Variants in PTPRD observed in about 807,000 individuals in gnomAD.
PTPRD encodes protein tyrosine phosphatase receptor type D.
Under a neutral mutation model 214.5 loss-of-function variants are expected in PTPRD, and 34 were observed. That is an observed-to-expected ratio of 0.16 (90% CI 0.12 to 0.21). The LOEUF is 0.21. Ranked by LOEUF, PTPRD falls within the 10% of genes least tolerant of loss-of-function variation. The probability of loss-of-function intolerance (pLI) is 1.00; values close to 1 mark genes in which losing one functional copy is unlikely to be tolerated. For synonymous variants in PTPRD, 1,128 were observed against 845.7 expected, an observed-to-expected ratio of 1.33 and a Z score of -5.79; for missense variants, 2,545 against 2,398.7, an observed-to-expected ratio of 1.06 and a Z score of -1.27.
intron 11 of PTPRD, among the ~76,000 whole-genome samples, chr9:8,921,398 G>A (rs909639854): frequency 2.6e-5 from 4 of 152,138 alleles, no homozygotes; most frequent in African/African-American, 9.7e-5. Flanking sequence ...CACTTGGGAG[G>A]CTAAAGGCTA....
intron 3 of PTPRD, among the ~76,000 whole-genome samples, chr9:10,231,022 A>G (rs960232073): frequency 2.0e-5 from 3 of 152,104 alleles, no homozygotes; most frequent in African/African-American, 7.2e-5. Flanking sequence ...CTAGTCATCT[A>G]CCTGACAAAA....
chr9:10,446,299 G>A (rs1036852380), intron 2 of PTPRD, among the ~76,000 whole-genome samples: 3 of 151,440 alleles, frequency 2.0e-5, no homozygotes, highest in African/African-American at 7.3e-5. Context: ...GAAGAGAGTA[G>A]GAAAGGTCTG....
chr9:8,840,559 T>A (rs11793723), intron 11 of PTPRD, among the ~76,000 whole-genome samples: 3,091 of 152,304 alleles, frequency 0.02, 50 homozygotes, highest in Non-Finnish European at 0.032. Context: ...AATGACCCCA[T>A]TGTTAATGCA....
intron 5 of PTPRD, among the ~76,000 whole-genome samples, chr9:9,782,882 T>G (rs1448724659): frequency 1.3e-5 from 2 of 152,212 alleles, no homozygotes; most frequent in African/African-American, 2.4e-5. Flanking sequence ...CCTTGGAATT[T>G]GTCTAATGCT....
In PTPRD at chr9:8,317,876, A is replaced by C; in HGVS notation, c.5737T>G (p.Ter1913GluextTer21). The change falls in exon 46 of 46, where the codon TAG becomes GAG. Residue 1913 changes from the stop codon to glutamate, a stop_lost. Coordinates refer to ENST00000381196, the MANE Select transcript of PTPRD (RefSeq NM_002839.4). ...AATCCAGAATGGGTCAGGGGTTTCT[A>C]CGTTGCATAGTGGTCAAAGCTGCCC... ...YLGSFDHYAT* is the reference protein window; with the variant it reads ...YLGSFDHYATE The C allele has an allele frequency of 1.2e-6, 2 of 1,612,156 alleles. No homozygotes were observed. The highest frequency in any genetic ancestry group is 1.7e-6 in the Non-Finnish European group (2 of 1,178,628).
chr9:9,169,011 C>A (rs931945060), intron 10 of PTPRD, among the ~76,000 whole-genome samples: 7 of 151,558 alleles, frequency 4.6e-5, no homozygotes, highest in Non-Finnish European at 8.8e-5. Flanking sequence ...AGAAAATATG[C>A]TTCTGTCATA....
intron 12 of PTPRD, among the ~76,000 whole-genome samples, chr9:8,678,786 A>C (rs941215965): frequency 3.3e-5 from 5 of 152,234 alleles, no homozygotes; most frequent in African/African-American, 1.2e-4. Flanking sequence ...ATAAAAACAC[A>C]GAACACATTT....
chr9:8,436,546 A>G, intron 35 of PTPRD, 46 bp downstream of exon 35: 1 of 1,425,532 alleles, frequency 7.0e-7, no homozygotes, highest in South Asian at 1.2e-5. Context: ...AAAAAAGAGA[A>G]GAGTAACTCT....
At chr9:8,897,437 T>C (rs1313918001) in intron 11 of PTPRD, among the ~76,000 whole-genome samples, 1 of 152,156 alleles carries the variant, frequency 6.6e-6, no homozygotes, top group Non-Finnish European at 1.5e-5. Context: ...ATACACTAAG[T>C]GAAGCTTTGA....
At chr9:9,425,362 T>A (rs2080422636) in intron 8 of PTPRD, among the ~76,000 whole-genome samples, 1 of 50,166 alleles carries the variant, frequency 2.0e-5, no homozygotes, top group Non-Finnish European at 4.5e-5. Flanking sequence ...TGCATATATA[T>A]AAAATATATA....
chr9:9,065,911 C>G (rs183550117), intron 10 of PTPRD, among the ~76,000 whole-genome samples: 3 of 152,110 alleles, frequency 2.0e-5, no homozygotes, highest in Admixed American at 1.3e-4. Flanking sequence ...AATACAGTGC[C>G]TAATTCATAA....
chr9:10,076,463 T>C (rs746359039), intron 3 of PTPRD, among the ~76,000 whole-genome samples: 18 of 152,066 alleles, frequency 1.2e-4, no homozygotes, highest in Non-Finnish European at 2.1e-4. Flanking sequence ...GAGGACTGCA[T>C]CTGTACTGGG....
intron 2 of PTPRD, among the ~76,000 whole-genome samples, chr9:10,598,954 TAC>T (rs2077306169): frequency 6.6e-6 from 1 of 151,762 alleles, no homozygotes; most frequent in Middle Eastern, 3.4e-3. Context: ...CTGTTCCTCT[TAC>T]TAATAACAGC....
At chr9:8,441,671 G>A (rs1200624350) in intron 34 of PTPRD, among the ~76,000 whole-genome samples, 1 of 152,004 alleles carries the variant, frequency 6.6e-6, no homozygotes, top group East Asian at 1.9e-4. Context: ...CTTTGTGCTG[G>A]GGATATAAAG....
intron 8 of PTPRD, among the ~76,000 whole-genome samples, chr9:9,563,871 T>A (rs1444848958): frequency 6.6e-6 from 1 of 152,174 alleles, no homozygotes; most frequent in Non-Finnish European, 1.5e-5. Flanking sequence ...AAATCTTGAC[T>A]TCAGTTAACC....
rs1597718080 is a variant in PTPRD at position 10,348,149 on chromosome 9, T to G, written c.-599-7132A>C. 3.3e-5 allele frequency among the ~76,000 whole-genome samples: 5 copies of G among 152,168 alleles called. No individual in the cohort carries two copies. The South Asian group carries it at 1.0e-3, about 32-fold the overall frequency. On this transcript the variant is annotated intron_variant, in intron 2 of 45. Coordinates refer to ENST00000381196, the MANE Select transcript of PTPRD (RefSeq NM_002839.4). Reference sequence around the variant, plus strand: ...TCTTATTTTATGTCAAACCTTATATTTGTACCCATTAATCAACTTCTCTTC... The same window carrying G: ...TCTTATTTTATGTCAAACCTTATATGTGTACCCATTAATCAACTTCTCTTC...
intron 3 of PTPRD, among the ~76,000 whole-genome samples, chr9:10,248,664 C>A (rs1354495987): frequency 3.9e-5 from 6 of 152,000 alleles, no homozygotes; most frequent in African/African-American, 1.4e-4. Context: ...TCTAAATGTC[C>A]ATCATGAGGT....
chr9:9,711,490 CTAA>C (rs2097728611), intron 7 of PTPRD, among the ~76,000 whole-genome samples: 1 of 151,954 alleles, frequency 6.6e-6, no homozygotes, highest in Non-Finnish European at 1.5e-5. Context: ...AATTATATGC[CTAA>C]TAATAATAAT....
intron 9 of PTPRD, among the ~76,000 whole-genome samples, chr9:9,311,228 C>T (rs1036086563): frequency 4.6e-5 from 7 of 152,042 alleles, no homozygotes; most frequent in African/African-American, 1.7e-4. Context: ...ACTAAAAGTT[C>T]AGCAAGATTA....
Sources: allele counts gnomAD v4.1 joint callset (sites outside exome capture counted in the v4.1 genomes callset), GRCh38; gene constraint gnomAD v4.1.1; transcripts MANE v1.5; gene names NCBI Gene and HGNC (gene_info 2026-07-23, HGNC 2026-07-21).